Variants in TFEC observed in about 807,000 individuals in gnomAD.
TFEC encodes the protein transcription factor EC, also known as class E basic helix-loop-helix protein 34.
A neutral mutation model predicts 41.6 loss-of-function variants in TFEC; 31 were observed. That is an observed-to-expected ratio of 0.74 (90% CI 0.56 to 1.01). The LOEUF is 1.01. TFEC is among the 50% of genes least tolerant of loss of function. The probability of loss-of-function intolerance (pLI) is 0.00; values close to 1 mark genes in which losing one functional copy is unlikely to be tolerated. For missense variants in TFEC, 402 were observed against 404.1 expected, an observed-to-expected ratio of 0.99 and a Z score of 0.04; for synonymous variants, 143 against 140.6, an observed-to-expected ratio of 1.02 and a Z score of -0.12.
At chr7:116,144,857 T>C (rs908819503) in intron 1 of TFEC, among the ~76,000 whole-genome samples, 1 of 152,144 alleles carries the variant, frequency 6.6e-6, no homozygotes, top group Non-Finnish European at 1.5e-5. Context: ...GATTCAAGAC[T>C]GCAACATCAG....
Position 115,959,321 on chromosome 7 carries a change from A to T in TFEC, c.268-2528T>A, listed in dbSNP as rs114610816. Among the ~76,000 whole-genome samples the T allele has an allele frequency of 5.8e-3, 887 of 151,876 alleles. 7 individuals carry two copies. The highest frequency in any genetic ancestry group is 0.02 in the African/African-American group (833 of 41,498). On this transcript the variant is annotated intron_variant, in intron 3 of 7. Transcript: ENST00000265440. ...GCAATACTTCTTTCTGATAGAAAAA[A>T]GTGAACTCCTGATCTGAGAAACTGC...
chr7:116,036,245 C>T (rs999913373), intron 3 of TFEC, among the ~76,000 whole-genome samples: 1 of 151,898 alleles, frequency 6.6e-6, no homozygotes, highest in African/African-American at 2.4e-5. Flanking sequence ...AAATGCATGC[C>T]TCAGATGTTT....
chr7:115,976,485 T>C (rs764613981), intron 2 of TFEC, among the ~76,000 whole-genome samples: 2 of 152,100 alleles, frequency 1.3e-5, no homozygotes, highest in Non-Finnish European at 2.9e-5. Flanking sequence ...AATAGACACA[T>C]GTGGTTCATG....
intron 5 of TFEC, among the ~76,000 whole-genome samples, chr7:115,954,306 C>T (rs1288223375): frequency 1.3e-5 from 2 of 152,042 alleles, no homozygotes; most frequent in Admixed American, 6.6e-5. Context: ...TGAGTCACAA[C>T]AGAATTCAAA....
chr7:116,119,590 T>C (rs1260347916), intron 1 of TFEC, among the ~76,000 whole-genome samples: 2 of 151,790 alleles, frequency 1.3e-5, no homozygotes, highest in Non-Finnish European at 2.9e-5. Context: ...GTAAATTGTA[T>C]GTCATTAAAA....
chr7:116,093,435 GA>G (rs763881180), intron 3 of TFEC, among the ~76,000 whole-genome samples: 41 of 151,984 alleles, frequency 2.7e-4, no homozygotes, highest in Non-Finnish European at 2.6e-4. Context: ...ATTTCAGAAA[GA>G]AAAACTGAAA....
chr7:116,137,988 G>C (rs1798466988), intron 1 of TFEC, among the ~76,000 whole-genome samples: 1 of 151,944 alleles, frequency 6.6e-6, no homozygotes, highest in African/African-American at 2.4e-5. Context: ...AAGAAATGCG[G>C]TCATTTGTTT....
At chr7:116,082,031 A>G (rs1797103172) in intron 3 of TFEC, among the ~76,000 whole-genome samples, 1 of 151,950 alleles carries the variant, frequency 6.6e-6, no homozygotes, top group Admixed American at 6.6e-5. Context: ...TATGGTACTG[A>G]GCACTATTGT....
rs369838190 is a variant in TFEC, at chr7:115,959,548, AAT to A, written c.268-2757_268-2756del. On this transcript the variant is annotated intron_variant, in intron 3 of 7. Coordinates refer to ENST00000265440, the MANE Select transcript of TFEC (RefSeq NM_012252.4). ...TCAAAATATCAAAATATTTGAGGAA[AAT>A]GACTATTTCAAAAGTAAGGCAACAA... is the stretch of plus-strand genomic sequence containing the variant. 5.3e-3 allele frequency among the ~76,000 whole-genome samples: 804 copies of A among 151,904 alleles called. 7 individuals carry two copies. Among genetic ancestry groups the A allele is most frequent in the African/African-American group, 0.018 (761 of 41,516 alleles).
intron 3 of TFEC, among the ~76,000 whole-genome samples, chr7:116,050,547 T>C (rs1796284180): frequency 6.6e-6 from 1 of 152,174 alleles, no homozygotes; most frequent in Non-Finnish European, 1.5e-5. Context: ...CATCAAAAAG[T>C]GCTCATCATC....
At chr7:115,948,013 G>T (rs1405846119) in intron 6 of TFEC, among the ~76,000 whole-genome samples, 1 of 152,092 alleles carries the variant, frequency 6.6e-6, no homozygotes, top group African/African-American at 2.4e-5. Context: ...TGATAAAGGG[G>T]ATAACACCAC....
At chr7:116,051,970 GAGA>G (rs1306188080) in intron 3 of TFEC, among the ~76,000 whole-genome samples, 1 of 152,000 alleles carries the variant, frequency 6.6e-6, no homozygotes, top group East Asian at 1.9e-4. Context: ...CCTTTGTTCT[GAGA>G]AGGTGTAAGG....
chr7:116,091,874 A>C lies in TFEC; in HGVS notation c.198+18834T>G, dbSNP rs907090832. Among the ~76,000 whole-genome samples, 110 of 152,044 alleles carry C rather than the reference A, an allele frequency of 7.2e-4. 1 individual carries two copies. The highest frequency in any genetic ancestry group is 6.2e-3 in the Admixed American group (94 of 15,256). Reference sequence around the variant, plus strand: ...TGATAATTACGCTAAAAAAAAAAGGAAAAAGAAGTAGTAAGATATATATAC... The same window carrying C: ...TGATAATTACGCTAAAAAAAAAAGGCAAAAGAAGTAGTAAGATATATATAC... On this transcript the variant is annotated intron_variant, in intron 3 of 8. Coordinates refer to the TFEC transcript ENST00000484212.
At chr7:116,092,866 T>C (rs536431455) in intron 3 of TFEC, among the ~76,000 whole-genome samples, 46 of 152,256 alleles carry the variant, frequency 3.0e-4, no homozygotes, top group Admixed American at 1.2e-3. Context: ...CCAGAAAATA[T>C]ACTATGGAAG....
At chr7:116,014,745 G>A (rs371655762) in intron 1 of TFEC, among the ~76,000 whole-genome samples, 7 of 152,004 alleles carry the variant, frequency 4.6e-5, no homozygotes, top group Non-Finnish European at 7.4e-5. Flanking sequence ...CTGGATTATC[G>A]TGCATGGCCT....
chr7:116,014,076 A>C (rs755505738), intron 1 of TFEC, among the ~76,000 whole-genome samples: 5 of 152,100 alleles, frequency 3.3e-5, no homozygotes, highest in Non-Finnish European at 7.4e-5. Flanking sequence ...CTCCAGGAGA[A>C]ATTTTAGTTT....
At chr7:116,014,025 G>C (rs981317186) in intron 1 of TFEC, among the ~76,000 whole-genome samples, 2 of 152,022 alleles carry the variant, frequency 1.3e-5, no homozygotes, top group African/African-American at 4.8e-5. Context: ...TTAGTCCCTA[G>C]ATTATGTAAT....
At chr7:116,115,761 A>G (rs889923232) in intron 1 of TFEC, among the ~76,000 whole-genome samples, 5 of 152,020 alleles carry the variant, frequency 3.3e-5, no homozygotes. Context: ...CTTTAAAAAG[A>G]AACATTATAG....
At chr7:115,961,275 A>G (rs1343954252) in intron 3 of TFEC, among the ~76,000 whole-genome samples, 2 of 151,698 alleles carry the variant, frequency 1.3e-5, no homozygotes, top group African/African-American at 4.8e-5. Flanking sequence ...CACATTTCAT[A>G]GAGTGATTGC....
Sources: gnomAD v4.1 joint callset for allele counts (sites outside exome capture counted in the v4.1 genomes callset) on GRCh38, gnomAD v4.1.1 for gene constraint, MANE v1.5 for transcripts, NCBI Gene and HGNC (gene_info 2026-07-23, HGNC 2026-07-21) for gene names.